The following NRXN3 variants were observed in gnomAD, a reference collection of about 807,000 sequenced individuals.
NRXN3 encodes the protein neurexin III.
A neutral mutation model predicts 137.6 loss-of-function variants in NRXN3; 32 were observed. The ratio of observed to expected loss-of-function variants is 0.23; its 90% CI spans 0.18 to 0.31. The LOEUF is 0.31. Ranked by LOEUF, NRXN3 falls within the 10% of genes least tolerant of loss-of-function variation. The probability of loss-of-function intolerance (pLI) is 1.00; values close to 1 mark genes in which losing one functional copy is unlikely to be tolerated. For synonymous variants in NRXN3, 798 were observed against 784.5 expected (o/e 1.02, Z -0.29); for missense variants, 1,574 against 2,062.5 (o/e 0.76, Z 4.59).
At chr14:78,879,843 G>A (rs1234150018) in intron 10 of NRXN3, among the ~76,000 whole-genome samples, 1 of 152,090 alleles carries the variant, frequency 6.6e-6, no homozygotes, top group Non-Finnish European at 1.5e-5. Context: ...AGTAGGTTAA[G>A]GGATTCATGG....
In NRXN3 at chr14:79,126,636, C is replaced by T. The variant is rs1322662318; in HGVS notation, c.3262+138495C>T. On this transcript the variant is annotated intron_variant, in intron 15 of 20. Transcript: ENST00000335750. ...TGTGAATAATGCCGCAATAAACATA[C>T]GTGTGCATGTGTCTTTATAGCAGCA... Among the ~76,000 whole-genome samples, 12 of 151,912 alleles carry T rather than the reference C, an allele frequency of 7.9e-5. No individual in the cohort carries two copies. In the East Asian group the frequency reaches 1.2e-3, roughly 15 times the overall value.
At chr14:78,883,497 G>C (rs1315589354) in intron 10 of NRXN3, among the ~76,000 whole-genome samples, 1 of 152,194 alleles carries the variant, frequency 6.6e-6, no homozygotes, top group Non-Finnish European at 1.5e-5. Context: ...GTAAAGTCAG[G>C]CTGGGAAAAC....
intron 20 of NRXN3, among the ~76,000 whole-genome samples, chr14:79,816,833 GC>G (rs1445061520): frequency 1.3e-5 from 2 of 152,118 alleles, no homozygotes; most frequent in African/African-American, 4.8e-5. Context: ...ATTTAAAACA[GC>G]ATGAGAACCA....
chr14:79,545,121 C>G (rs2097307188), intron 16 of NRXN3, among the ~76,000 whole-genome samples: 2 of 152,244 alleles, frequency 1.3e-5, no homozygotes, highest in Admixed American at 1.3e-4. Context: ...TGTTTTCAAG[C>G]CCCATTGATT....
At chr14:78,876,668 G>T (rs1292145126) in intron 10 of NRXN3, among the ~76,000 whole-genome samples, 2 of 152,144 alleles carry the variant, frequency 1.3e-5, no homozygotes, top group Non-Finnish European at 2.9e-5. Flanking sequence ...CCAAAGAGTT[G>T]TTAATAATGG....
chr14:79,139,894 A>G (rs934598809), intron 15 of NRXN3, among the ~76,000 whole-genome samples: 2 of 149,736 alleles, frequency 1.3e-5, no homozygotes, highest in Non-Finnish European at 3.0e-5. Flanking sequence ...TATGGCTTAT[A>G]CAAATGGCAT....
In NRXN3 at chr14:78,278,636, C is replaced by G. The variant is rs1274241313; in HGVS notation, c.710-9C>G. On this transcript the variant is annotated splice_polypyrimidine_tract_variant and intron_variant, in intron 2 of 20. Transcript: ENST00000335750. ...CTCCCTTTCCCTCCCTTTGAAAATG[C>G]TGCCACAGATGTCAGTCAAGATCCA... 12 of 1,534,620 alleles carry G rather than the reference C, an allele frequency of 7.8e-6. No individual in the cohort carries two copies. The Admixed American group carries it at 2.4e-4, about 30-fold the overall frequency.
At chr14:78,603,640 T>C (rs2097220411) in intron 4 of NRXN3, among the ~76,000 whole-genome samples, 1 of 152,238 alleles carries the variant, frequency 6.6e-6, no homozygotes, top group Non-Finnish European at 1.5e-5. Context: ...GCGGTTGCCT[T>C]ACACATGTTC....
intron 15 of NRXN3, among the ~76,000 whole-genome samples, chr14:79,033,698 G>T (rs1033749282): frequency 1.3e-5 from 2 of 152,030 alleles, no homozygotes; most frequent in African/African-American, 4.8e-5. Context: ...CAATTATAGT[G>T]CCCTAAAGAG....
At chr14:79,195,768 C>G (rs566746875) in intron 15 of NRXN3, among the ~76,000 whole-genome samples, 1 of 152,140 alleles carries the variant, frequency 6.6e-6, no homozygotes, top group Non-Finnish European at 1.5e-5. Context: ...ATAAGCTAAT[C>G]GATGATATCC....
At chr14:78,523,773 C>T (rs73324427) in intron 4 of NRXN3, among the ~76,000 whole-genome samples, 2,917 of 133,516 alleles carry the variant, frequency 0.022, 91 homozygotes, top group African/African-American at 0.077. Flanking sequence ...GCTGAGATCG[C>T]GTCACTGCAC....
Position 78,645,566 on chromosome 14 carries a change from G to A in NRXN3, c.1059+145G>A, listed in dbSNP as rs2097678278. 4 of 568,570 alleles carry A rather than the reference G, an allele frequency of 7.0e-6. No individual in the cohort carries two copies. In the Admixed American group the frequency reaches 1.4e-4, roughly 20 times the overall value. 35.2% of individuals were successfully genotyped at this position (568,570 alleles called of 1,614,324 possible). Reference sequence around the variant, plus strand: ...AACGTCTAACTTTCTCCCAGTCTTTGCAATTTCACGTGGAAAATTATTAAA... The same window carrying A: ...AACGTCTAACTTTCTCCCAGTCTTTACAATTTCACGTGGAAAATTATTAAA... On this transcript the variant is annotated intron_variant, in intron 5 of 20. Transcript: ENST00000335750.
intron 16 of NRXN3, among the ~76,000 whole-genome samples, chr14:79,522,460 A>G (rs2153704555): frequency 6.6e-6 from 1 of 152,348 alleles, no homozygotes; most frequent in East Asian, 1.9e-4. Flanking sequence ...TTATGAAATA[A>G]TAATGGAATT....
At chr14:79,149,497 C>T (rs971629488) in intron 15 of NRXN3, among the ~76,000 whole-genome samples, 1 of 151,990 alleles carries the variant, frequency 6.6e-6, no homozygotes, top group Non-Finnish European at 1.5e-5. Context: ...TGCTCTATGA[C>T]ATTACTGAGT....
chr14:79,779,992 AG>A (rs1157548409), intron 19 of NRXN3, among the ~76,000 whole-genome samples: 1 of 152,086 alleles, frequency 6.6e-6, no homozygotes, highest in Non-Finnish European at 1.5e-5. Flanking sequence ...AGCCTCCCAA[AG>A]TTCTGGGATT....
chr14:78,466,233 G>A (rs2095102869), intron 4 of NRXN3, among the ~76,000 whole-genome samples: 1 of 152,102 alleles, frequency 6.6e-6, no homozygotes, highest in Admixed American at 6.6e-5. Context: ...AAAATAAAAA[G>A]TAACAATAGA....
chr14:78,651,181 A>C lies in NRXN3; in HGVS notation c.1076A>C (p.Asp359Ala). The C allele has an allele frequency of 6.2e-7, 1 of 1,613,562 alleles. No homozygotes were observed. The highest frequency in any genetic ancestry group is 8.5e-7 in the Non-Finnish European group (1 of 1,179,702). The change falls in exon 6 of 21, where the codon GAT becomes GCT. Residue 359 changes from aspartate to alanine, a missense_variant. By Grantham distance (126) the Asp-to-Ala change is moderately radical (BLOSUM62 -2). This residue lies in a region of NRXN3 where 400 missense variants were observed against 527.3 expected (regional missense o/e 0.76). Transcript: ENST00000335750. ...RNLRQVTISVDGILTTTGYTQ... is the reference protein window; with the variant it reads ...RNLRQVTISVAGILTTTGYTQ... ...CTCCACCAGGTGACAATCTCTGTGGATGGCATTCTTACCACGACGGGCTAC... is the reference window on the plus strand; with the variant it reads ...CTCCACCAGGTGACAATCTCTGTGGCTGGCATTCTTACCACGACGGGCTAC...
chr14:79,667,142 G>A lies in NRXN3; in HGVS notation c.3616+3193G>A, dbSNP rs766831919. Reference sequence around the variant, plus strand: ...TTAAATCATAAGATCAAAATTCCCCGTGTCTGGGCCATCAAACAAAGCCAT... The same window carrying A: ...TTAAATCATAAGATCAAAATTCCCCATGTCTGGGCCATCAAACAAAGCCAT... On this transcript the variant is annotated intron_variant, in intron 17 of 20. Coordinates refer to ENST00000335750, the MANE Select transcript of NRXN3 (RefSeq NM_001330195.2). Among the ~76,000 whole-genome samples the A allele has an allele frequency of 9.9e-5, 15 of 151,930 alleles. No homozygotes were observed. In the South Asian group the frequency reaches 1.5e-3, roughly 15 times the overall value.
At chr14:78,409,295 C>T (rs1219779590) in intron 4 of NRXN3, among the ~76,000 whole-genome samples, 1 of 123,584 alleles carries the variant, frequency 8.1e-6, no homozygotes, top group African/African-American at 2.8e-5. Flanking sequence ...TCACAACAAG[C>T]CTATAAGACT....
Sources: gnomAD v4.1 joint callset for allele counts (sites outside exome capture counted in the v4.1 genomes callset) on GRCh38, gnomAD v4.1.1 for gene constraint, gnomAD v4.1.1 regional missense constraint, MANE v1.5 for transcripts, NCBI Gene and HGNC (gene_info 2026-07-23, HGNC 2026-07-21) for gene names.